Variants in ANKS6 observed in about 807,000 individuals in gnomAD.
ANKS6 encodes the protein ankyrin repeat and sterile alpha motif domain containing 6.
In ANKS6, 47 loss-of-function variants were observed where a neutral mutation model predicts 77.9. The observed-to-expected ratio is 0.60, with a 90% CI of 0.48 to 0.77. The LOEUF is 0.77. ANKS6 is among the 30% of genes least tolerant of loss of function. The pLI, the probability that ANKS6 is intolerant of heterozygous loss-of-function variation, is 0.00. For synonymous variants in ANKS6, 488 were observed against 501.7 expected, an observed-to-expected ratio of 0.97 and a Z score of 0.37; for missense variants, 1,150 against 1,159.1, an observed-to-expected ratio of 0.99 and a Z score of 0.11.
chr9:98,784,664 T>C (rs1307950506), intron 3 of ANKS6, among the ~76,000 whole-genome samples, 168 bp downstream of exon 3: 1 of 148,816 alleles, frequency 6.7e-6, no homozygotes, highest in African/African-American at 2.5e-5. Context: ...TGTAGAGCTC[T>C]ACAATAAATA....
chr9:98,743,709 C>T (rs1227960260), intron 14 of ANKS6, among the ~76,000 whole-genome samples: 1 of 152,210 alleles, frequency 6.6e-6, no homozygotes, highest in Non-Finnish European at 1.5e-5. Context: ...CATCTACAAA[C>T]TGAAACTGAC....
chr9:98,790,461 A>C lies in ANKS6; in HGVS notation c.505T>G (p.Phe169Val). 6.2e-7 allele frequency: 1 copy of C among 1,613,756 alleles called. No individual in the cohort carries two copies. The highest frequency in any genetic ancestry group is 1.7e-5 in the Admixed American group (1 of 59,988). ...CCTGAAGGGTGGTGATGGTCCACAA[A>C]GGCACCGGCTTCCAGGAGCAGCTTC... ...VVKLLLEAGA[F>V]VDHHHPSGEQ... The change falls in exon 2 of 15, where the codon TTT (phenylalanine) becomes GTT (valine). Residue 169 changes from phenylalanine (F) to valine (V), a missense_variant. By Grantham distance (50) the Phe-to-Val change is conservative. Coordinates refer to ENST00000353234, the MANE Select transcript of ANKS6 (RefSeq NM_173551.5).
chr9:98,748,147 C>G (rs568101102), intron 13 of ANKS6, among the ~76,000 whole-genome samples: 269 of 152,344 alleles, frequency 1.8e-3, no homozygotes, highest in African/African-American at 6.0e-3. Flanking sequence ...CTGGCAGGGG[C>G]AGGGTCTCAA....
chr9:98,782,947 TGTG>T (rs745923382), intron 4 of ANKS6, among the ~76,000 whole-genome samples: 28 of 151,986 alleles, frequency 1.8e-4, no homozygotes, highest in African/African-American at 5.8e-4. Context: ...ATTAGCTAGG[TGTG>T]GTGGTGCAAG....
intron 2 of ANKS6, 40 bp from the exon 3 acceptor site, chr9:98,784,916 T>C: frequency 3.2e-6 from 5 of 1,584,744 alleles, no homozygotes; most frequent in Non-Finnish European, 4.3e-6. Context: ...CACGGAAAGG[T>C]TTAATATAAC....
chr9:98,748,845 C>T (rs768360411), intron 13 of ANKS6, among the ~76,000 whole-genome samples: 3 of 152,146 alleles, frequency 2.0e-5, no homozygotes, highest in Non-Finnish European at 2.9e-5. Flanking sequence ...ATTAGTCTGT[C>T]TTTAGCTTCA....
intron 1 of ANKS6, among the ~76,000 whole-genome samples, chr9:98,795,092 C>T (rs766627417): frequency 1.3e-5 from 2 of 152,096 alleles, no homozygotes; most frequent in African/African-American, 2.4e-5. Context: ...AGATGCCATC[C>T]TTGCTGTCTC....
intron 9 of ANKS6, among the ~76,000 whole-genome samples, chr9:98,773,028 G>A (rs930300060): frequency 9.9e-5 from 15 of 152,198 alleles, no homozygotes; most frequent in African/African-American, 2.4e-4. Context: ...TCCCTCTAGG[G>A]TTAAATTCTC....
Position 98,774,073 on chromosome 9 carries a change from T to C in ANKS6, c.1625A>G (p.Asn542Ser). 2 of 1,479,164 alleles carry C rather than the reference T, an allele frequency of 1.4e-6. No individual in the cohort carries two copies. Among genetic ancestry groups the C allele is most frequent in the Non-Finnish European group, 9.0e-7 (1 of 1,108,696 alleles). The allele number at this position is 1,479,164 out of a possible 1,614,324, so 91.6% of individuals were successfully genotyped here. ...EDTLLTTMLR[N>S]GAPLTRLPSD... ...CGGGAGTCTGGTGAGGGGAGCTCCG[T>C]TTCGAAGCTGAAAAAGACAGGCTGA... The change falls in exon 9 of 15, where the codon AAC becomes AGC. Residue 542 changes from asparagine to serine, a missense_variant. Physicochemically the swap from Asn to Ser is conservative, Grantham distance 46. Coordinates refer to ENST00000353234, the MANE Select transcript of ANKS6 (RefSeq NM_173551.5).
rs1831463871 is a variant in ANKS6 at position 98,735,764 on chromosome 9, A to G, written c.*755T>C. 1.6e-6 allele frequency: 2 copies of G among 1,231,634 alleles called. No individual in the cohort carries two copies. The highest frequency in any genetic ancestry group is 4.1e-5 in the South Asian group (1 of 24,322). 76.3% of individuals were successfully genotyped at this position (1,231,634 alleles called of 1,614,324 possible). A position where few individuals can be genotyped will look rare whatever the true frequency, so the allele number is the denominator to read the frequency against. ...CAGGCCTCCACTTCTTTCCTTCTAT[A>G]ATAGACTCTCTTTGCAATAAAGAAA... On this transcript the variant is annotated 3_prime_UTR_variant, in exon 15 of 15. Coordinates refer to ENST00000353234, the MANE Select transcript of ANKS6 (RefSeq NM_173551.5).
At chr9:98,751,166 T>C (rs2117887765) in intron 12 of ANKS6, 70 bp from the exon 13 acceptor site, 2 of 1,181,774 alleles carry the variant, frequency 1.7e-6, no homozygotes, top group Non-Finnish European at 2.5e-6. Context: ...CAAACCTTTA[T>C]AAAGTAGTGG....
Position 98,736,317 on chromosome 9 carries a change from TG to T in ANKS6, c.*201del, listed in dbSNP as rs544371705. 3.4e-4 allele frequency: 483 copies of T among 1,408,118 alleles called. No individual in the cohort carries two copies. The African/African-American group carries it at 6.4e-3, about 19-fold the overall frequency. 87.2% of individuals were successfully genotyped at this position (1,408,118 alleles called of 1,614,324 possible). On this transcript the variant is annotated 3_prime_UTR_variant, in exon 15 of 15. Transcript: ENST00000353234. ...GAAGCACCCCCACTGGACTGTTACA[TG>T]GGAATCTGTCTCTGTGTGTTGAAGT... is the stretch of plus-strand genomic sequence containing the variant.
chr9:98,777,791 A>G (rs1833998213), intron 7 of ANKS6, among the ~76,000 whole-genome samples: 1 of 152,148 alleles, frequency 6.6e-6, no homozygotes, highest in Admixed American at 6.5e-5. Flanking sequence ...CAGTATGGGA[A>G]TCTCCTTCAG....
chr9:98,777,501 A>G, intron 7 of ANKS6, 47 bp from the exon 8 acceptor site: 2 of 1,591,536 alleles, frequency 1.3e-6, no homozygotes, highest in Non-Finnish European at 1.7e-6. Flanking sequence ...CCACGTGTCC[A>G]CAGCATAAGG....
At position 98,733,576 on chromosome 9, in the gene ANKS6, T is replaced by G; in HGVS notation, c.*2943A>C. The G allele has an allele frequency of 1.0e-6, 1 of 985,488 alleles. No individual in the cohort carries two copies. Among genetic ancestry groups the G allele is most frequent in the Non-Finnish European group, 1.2e-6 (1 of 829,968 alleles). The allele number at this position is 985,488 out of a possible 1,614,324, so 61.0% of individuals were successfully genotyped here. On this transcript the variant is annotated 3_prime_UTR_variant, in exon 15 of 15. Coordinates refer to ENST00000353234, the MANE Select transcript of ANKS6 (RefSeq NM_173551.5). ...TTCCAGGGCTGCAAGGCCTCTTGGTTGCCGCTGTTCCAGAAAAAGCGGGGC... is the reference window on the plus strand; with the variant it reads ...TTCCAGGGCTGCAAGGCCTCTTGGTGGCCGCTGTTCCAGAAAAAGCGGGGC...
At chr9:98,770,256 G>A (rs1237288329) in intron 10 of ANKS6, among the ~76,000 whole-genome samples, 2 of 152,150 alleles carry the variant, frequency 1.3e-5, no homozygotes, top group Non-Finnish European at 2.9e-5. Flanking sequence ...TTCAGCTTCT[G>A]CATGATTGTG....
chr9:98,776,755 C>A (rs544289926), intron 8 of ANKS6, among the ~76,000 whole-genome samples: 1 of 152,286 alleles, frequency 6.6e-6, no homozygotes, highest in Non-Finnish European at 1.5e-5. Context: ...CTCTTCTCCC[C>A]TCCTCTCTCC....
rs777428723 is a variant in ANKS6, at chr9:98,756,880, A to G, written c.2143-277T>C. 2.0e-4 allele frequency among the ~76,000 whole-genome samples: 29 copies of G among 145,548 alleles called. No homozygotes were observed. The East Asian group carries it at 2.6e-3, about 13-fold the overall frequency. On this transcript the variant is annotated intron_variant, in intron 11 of 14. Transcript: ENST00000353234. ...CTCCCCACCCCGCCCCGCTCCCCCA[A>G]TCCCAGTCCTGCCCTCCAGCTACTT...
rs569071123 is a variant in ANKS6, at chr9:98,764,445, T to C, written c.2142+3636A>G. Among the ~76,000 whole-genome samples the C allele has an allele frequency of 7.9e-5, 12 of 152,348 alleles. 1 individual carries two copies. Among genetic ancestry groups the C allele is most frequent in the Middle Eastern group, 6.8e-3 (2 of 294 alleles). On this transcript the variant is annotated intron_variant, in intron 11 of 14. Coordinates refer to ENST00000353234, the MANE Select transcript of ANKS6 (RefSeq NM_173551.5). ...CTTTTCATTTTTTAAGCATTATTTC[T>C]TTACATATTCCTTCTGCCCCACCTC... is the stretch of plus-strand genomic sequence containing the variant.
Sources: allele counts gnomAD v4.1 joint callset (sites outside exome capture counted in the v4.1 genomes callset), GRCh38; gene constraint gnomAD v4.1.1; transcripts MANE v1.5; gene names NCBI Gene and HGNC (gene_info 2026-07-23, HGNC 2026-07-21).